Variants in SND1 observed in about 807,000 individuals in gnomAD.
The protein encoded by SND1 is staphylococcal nuclease domain-containing protein 1.
Under a neutral mutation model 121.7 loss-of-function variants are expected in SND1, and 38 were observed. The ratio of observed to expected loss-of-function variants is 0.31; its 90% CI spans 0.24 to 0.41. SND1 has a LOEUF of 0.41. Among genes scored for constraint, SND1 ranks in the 10% least tolerant of loss-of-function variants. The pLI, the probability that SND1 is intolerant of heterozygous loss-of-function variation, is 1.00. For missense variants in SND1, 868 were observed against 1,184.6 expected (o/e 0.73, Z 3.92); for synonymous variants, 401 against 447.4 (o/e 0.90, Z 1.31).
chr7:127,994,572 A>C lies in SND1; in HGVS notation c.1779+3516A>C, dbSNP rs1325634258. 6.5e-5 allele frequency among the ~76,000 whole-genome samples: 9 copies of C among 138,822 alleles called. No individual in the cohort carries two copies. In the South Asian group the frequency reaches 1.3e-3, roughly 20 times the overall value. 91.1% of individuals were successfully genotyped at this position (138,822 alleles called of 152,430 possible). ...CTCAAAAAAAAAAAAAAAAAAAAAA[A>C]AAAAAAAAAAAAACAGTAAATTCAG... is the stretch of plus-strand genomic sequence containing the variant. On this transcript the variant is annotated intron_variant, in intron 16 of 23. Coordinates refer to ENST00000354725, the MANE Select transcript of SND1 (RefSeq NM_014390.4).
intron 16 of SND1, chr7:128,030,662 A>C (rs765415976): frequency 2.6e-6 from 4 of 1,524,814 alleles, no homozygotes; most frequent in Non-Finnish European, 3.5e-6. Flanking sequence ...TTCATAATTC[A>C]CCATCGCCTG....
At position 127,796,241 on chromosome 7, in the gene SND1, G is replaced by T. The variant is rs558788625; in HGVS notation, c.1153-11243G>T. 2.6e-5 allele frequency among the ~76,000 whole-genome samples: 4 copies of T among 151,974 alleles called. No homozygotes were observed. In the South Asian group the frequency reaches 8.3e-4, roughly 32 times the overall value. On this transcript the variant is annotated intron_variant, in intron 10 of 23. Coordinates refer to ENST00000354725, the MANE Select transcript of SND1 (RefSeq NM_014390.4). ...TGTATTCAACTAGTATAGTATAAGC[G>T]CCTTCATTCTATGAATTTGCTAACA...
chr7:127,754,200 T>G (rs1018848678), intron 10 of SND1, among the ~76,000 whole-genome samples: 1 of 152,216 alleles, frequency 6.6e-6, no homozygotes, highest in Non-Finnish European at 1.5e-5. Context: ...ATTATCTTCT[T>G]GAGTGAAAAT....
Position 127,696,384 on chromosome 7 carries a change from A to G in SND1, c.349+1436A>G, listed in dbSNP as rs540564799. Among the ~76,000 whole-genome samples the G allele has an allele frequency of 3.3e-5, 5 of 152,312 alleles. No individual in the cohort carries two copies. In the South Asian group the frequency reaches 8.3e-4, roughly 25 times the overall value. ...TTTGAATGAGAAATTATAGAAACCT[A>G]AGGCCTCTTTTCAAAAAGGGAAATA... On this transcript the variant is annotated intron_variant, in intron 3 of 23. Transcript: ENST00000354725.
intron 16 of SND1, among the ~76,000 whole-genome samples, chr7:128,003,815 G>A (rs1471733609): frequency 6.6e-6 from 1 of 152,168 alleles, no homozygotes; most frequent in African/African-American, 2.4e-5. Context: ...TTGCTAAATA[G>A]CTGTATCTTA....
intron 10 of SND1, among the ~76,000 whole-genome samples, chr7:127,754,170 T>C (rs1298499672): frequency 1.3e-5 from 2 of 152,226 alleles, no homozygotes; most frequent in African/African-American, 4.8e-5. Context: ...GAAAATGATT[T>C]CTCTGTTGGA....
intron 16 of SND1, among the ~76,000 whole-genome samples, chr7:127,996,631 C>T (rs1329626039): frequency 1.3e-5 from 2 of 152,170 alleles, no homozygotes; most frequent in Non-Finnish European, 2.9e-5. Context: ...TCCAGTGCAA[C>T]CTACTCTCCT....
At chr7:127,674,161 C>T (rs1403174228) in intron 1 of SND1, among the ~76,000 whole-genome samples, 3 of 152,022 alleles carry the variant, frequency 2.0e-5, no homozygotes, top group African/African-American at 4.8e-5. Flanking sequence ...TCCCTCCTTC[C>T]GTCCCCACTT....
intron 10 of SND1, among the ~76,000 whole-genome samples, chr7:127,773,156 G>C (rs530144090): frequency 5.9e-5 from 9 of 152,254 alleles, no homozygotes; most frequent in African/African-American, 2.2e-4. Flanking sequence ...CTCTCTCCTT[G>C]AGAATGAAAA....
chr7:127,996,346 G>A (rs1802657237), intron 16 of SND1, among the ~76,000 whole-genome samples: 1 of 152,164 alleles, frequency 6.6e-6, no homozygotes, highest in Non-Finnish European at 1.5e-5. Context: ...GCTGTATCGT[G>A]TCTGAAATAG....
chr7:128,028,964 T>A (rs150309965), intron 16 of SND1: 2 of 1,608,770 alleles, frequency 1.2e-6, no homozygotes, highest in South Asian at 2.2e-5. Flanking sequence ...CGGCTGTGAC[T>A]GTACTCCGCT....
intron 15 of SND1, among the ~76,000 whole-genome samples, chr7:127,983,100 T>C (rs1252015284): frequency 1.3e-5 from 2 of 152,256 alleles, no homozygotes; most frequent in Non-Finnish European, 2.9e-5. Context: ...TCTCAGCCTT[T>C]ATACGGAGTT....
At chr7:127,730,211 C>T (rs1270424206) in intron 10 of SND1, among the ~76,000 whole-genome samples, 1 of 152,234 alleles carries the variant, frequency 6.6e-6, no homozygotes, top group Non-Finnish European at 1.5e-5. Flanking sequence ...AGGTGATCCA[C>T]CCGCCCCGGC....
chr7:127,804,819 G>A (rs960689325), intron 10 of SND1, among the ~76,000 whole-genome samples: 3 of 151,964 alleles, frequency 2.0e-5, no homozygotes, highest in Non-Finnish European at 4.4e-5. Context: ...GGTCAGTGTC[G>A]TTATTTTGTT....
chr7:128,073,979 G>A (rs796620021), intron 16 of SND1, among the ~76,000 whole-genome samples: 8 of 152,206 alleles, frequency 5.3e-5, no homozygotes, highest in African/African-American at 1.7e-4. Flanking sequence ...TTTCCTGCCC[G>A]CGTCTTTCTG....
chr7:127,687,672 CA>C (rs1331349058), intron 2 of SND1, among the ~76,000 whole-genome samples: 2 of 151,952 alleles, frequency 1.3e-5, no homozygotes, highest in Non-Finnish European at 2.9e-5. Context: ...TATGGCTGCC[CA>C]TACTTTATTA....
At chr7:127,955,474 C>T (rs1801570344) in intron 15 of SND1, among the ~76,000 whole-genome samples, 3 of 152,122 alleles carry the variant, frequency 2.0e-5, no homozygotes, top group Admixed American at 2.0e-4. Context: ...GGGTGGGAAG[C>T]TACTTCTCTC....
Position 127,991,009 on chromosome 7 carries a change from A to C in SND1, c.1732A>C (p.Ser578Arg), listed in dbSNP as rs752252965. The C allele has an allele frequency of 4.3e-6, 7 of 1,613,954 alleles. No homozygotes were observed. In the Admixed American group the frequency reaches 1.2e-4, roughly 27 times the overall value. ...PGLVQEGEPF[S>R]EEATLFTKEL... ...CTTGGTGCAGGAAGGAGAGCCCTTC[A>C]GCGAGGAAGCTACACTTTTCACCAA... The change falls in exon 16 of 24, where the codon AGC (serine) becomes CGC (arginine). Residue 578 changes from serine (S) to arginine (R), a missense_variant. By Grantham distance (110) the Ser-to-Arg change is moderately radical (BLOSUM62 -1). Transcript: ENST00000354725.
intron 15 of SND1, among the ~76,000 whole-genome samples, chr7:127,962,929 T>C (rs1424257286): frequency 6.6e-6 from 1 of 152,240 alleles, no homozygotes; most frequent in Non-Finnish European, 1.5e-5. Flanking sequence ...TCAGTTCAAA[T>C]GACTCCATGA....
Sources: allele counts gnomAD v4.1 joint callset (sites outside exome capture counted in the v4.1 genomes callset), GRCh38; gene constraint gnomAD v4.1.1; transcripts MANE v1.5; gene names NCBI Gene and HGNC (gene_info 2026-07-23, HGNC 2026-07-21).